Variants in NFYC observed in about 807,000 individuals in gnomAD.
NFYC encodes CAAT box DNA-binding protein subunit C.
A neutral mutation model predicts 53.1 loss-of-function variants in NFYC; 25 were observed. The ratio of observed to expected loss-of-function variants is 0.47; its 90% CI spans 0.34 to 0.66. The LOEUF is 0.66. Ranked by LOEUF, NFYC falls within the 30% of genes least tolerant of loss-of-function variation. NFYC has a pLI of 0.01. For synonymous variants in NFYC, 145 were observed against 152.6 expected, an observed-to-expected ratio of 0.95 and a Z score of 0.37; for missense variants, 260 against 422.7, an observed-to-expected ratio of 0.62 and a Z score of 3.38.
chr1:40,734,333 A>T (rs76037402), intron 1 of NFYC, among the ~76,000 whole-genome samples: 1 of 142,960 alleles, frequency 7.0e-6, no homozygotes, highest in African/African-American at 2.6e-5. Flanking sequence ...GTGATTAACT[A>T]CGGTTGCTTT....
Position 40,758,310 on chromosome 1 carries a change from A to C in NFYC, c.561+16A>C, listed in dbSNP as rs1646341397. 6.3e-7 allele frequency: 1 copy of C among 1,594,904 alleles called. No homozygotes were observed. The highest frequency in any genetic ancestry group is 1.8e-4 in the Middle Eastern group (1 of 5,628). ...GCAGGGCCAGGTCTGTGAGCTGCTG[A>C]GGATGCCCATCCAGCAAGACAGTGC... On this transcript the variant is annotated intron_variant, in intron 6 of 9. Transcript: ENST00000447388.
chr1:40,740,429 T>C (rs959256697), intron 2 of NFYC, among the ~76,000 whole-genome samples: 1 of 152,104 alleles, frequency 6.6e-6, no homozygotes, highest in African/African-American at 2.4e-5. Flanking sequence ...AAATAACTTA[T>C]TATGATAAAT....
At chr1:40,722,050 G>A (rs992944262) in intron 1 of NFYC, among the ~76,000 whole-genome samples, 1 of 152,042 alleles carries the variant, frequency 6.6e-6, no homozygotes, top group Non-Finnish European at 1.5e-5. Flanking sequence ...GGGCACCTGT[G>A]GTCCCAGCTA....
rs890712580 is a variant in NFYC at position 40,709,122 on chromosome 1, G to A, written c.-9+17255G>A. 2.6e-5 allele frequency among the ~76,000 whole-genome samples: 4 copies of A among 152,258 alleles called. No homozygotes were observed. In the East Asian group the frequency reaches 5.8e-4, roughly 22 times the overall value. The stretch of plus-strand genomic sequence containing the variant: ...ATGTGCATTTGCCAGACATTTCCAC[G>A]CCTTAGAGTTCCCCATAGTTTGAAG... On this transcript the variant is annotated intron_variant, in intron 1 of 9. Coordinates refer to ENST00000447388, the MANE Select transcript of NFYC (RefSeq NM_014223.5).
intron 1 of NFYC, among the ~76,000 whole-genome samples, chr1:40,717,318 G>A (rs1024597118): frequency 2.6e-5 from 4 of 152,154 alleles, no homozygotes; most frequent in Non-Finnish European, 4.4e-5. Flanking sequence ...TGTTTTCTGA[G>A]TGTGCATTTC....
intron 1 of NFYC, among the ~76,000 whole-genome samples, chr1:40,714,371 G>A (rs188543643): frequency 1.2e-3 from 184 of 152,304 alleles, no homozygotes; most frequent in Middle Eastern, 6.8e-3. Flanking sequence ...ATGTGCTTGT[G>A]TATGTTTGAG....
intron 1 of NFYC, among the ~76,000 whole-genome samples, chr1:40,731,144 G>T (rs1010314475): frequency 6.6e-6 from 1 of 152,074 alleles, no homozygotes; most frequent in Non-Finnish European, 1.5e-5. Flanking sequence ...TCAATCATCT[G>T]CAACCCTGAA....
At chr1:40,760,612 G>A (rs1049116391) in intron 6 of NFYC, among the ~76,000 whole-genome samples, 16 of 151,962 alleles carry the variant, frequency 1.1e-4, no homozygotes, top group African/African-American at 3.4e-4. Context: ...CCAGCTACCC[G>A]GGGAGGCTGA....
chr1:40,759,602 GTA>G (rs1439559292), intron 6 of NFYC, among the ~76,000 whole-genome samples: 1 of 151,664 alleles, frequency 6.6e-6, no homozygotes, highest in Non-Finnish European at 1.5e-5. Flanking sequence ...ATATATGTGT[GTA>G]TATATATGTA....
intron 5 of NFYC, 167 bp from the exon 6 acceptor site, chr1:40,757,954 G>A: frequency 1.5e-6 from 1 of 676,396 alleles, no homozygotes. Flanking sequence ...GTTTGATTTA[G>A]CATAACTGGT....
At chr1:40,734,086 GC>G (rs1456653400) in intron 1 of NFYC, among the ~76,000 whole-genome samples, 1 of 152,090 alleles carries the variant, frequency 6.6e-6, no homozygotes, top group African/African-American at 2.4e-5. Context: ...TCACTGTGTT[GC>G]CAAGGCTGGT....
At position 40,771,146 on chromosome 1, in the gene NFYC, T is replaced by C. The variant is rs1365616492; in HGVS notation, c.*318T>C. 1 of 398,850 alleles carries C rather than the reference T, an allele frequency of 2.5e-6. No homozygotes were observed. The highest frequency in any genetic ancestry group is 4.5e-6 in the Non-Finnish European group (1 of 221,114). 24.7% of individuals were successfully genotyped at this position (398,850 alleles called of 1,614,324 possible). A position where few individuals can be genotyped will look rare whatever the true frequency, so the allele number is the denominator to read the frequency against. ...TTCTTGAAGAGTGTGGTTGAAGAAA[T>C]ATTTCTCCTTTTGTTTTTCTTTTTT... is the stretch of plus-strand genomic sequence containing the variant. On this transcript the variant is annotated 3_prime_UTR_variant, in exon 10 of 10. Transcript: ENST00000447388.
intron 1 of NFYC, chr1:40,709,439 G>T (rs774717902): frequency 2.6e-5 from 4 of 152,252 alleles, no homozygotes; most frequent in African/African-American, 9.7e-5. Context: ...TAGTTTGTTG[G>T]GGGGTGGGAG....
intron 9 of NFYC, among the ~76,000 whole-genome samples, chr1:40,769,798 A>G (rs751691971): frequency 2.0e-5 from 3 of 152,256 alleles, no homozygotes; most frequent in Non-Finnish European, 4.4e-5. Flanking sequence ...TTTTAATAGC[A>G]TGGACTGTTG....
At chr1:40,706,927 T>G (rs1643720031) in intron 1 of NFYC, among the ~76,000 whole-genome samples, 1 of 151,768 alleles carries the variant, frequency 6.6e-6, no homozygotes, top group Non-Finnish European at 1.5e-5. Flanking sequence ...CCCAGCACTT[T>G]GGGAGACCGA....
At chr1:40,721,307 A>G (rs950464305) in intron 1 of NFYC, among the ~76,000 whole-genome samples, 6 of 152,234 alleles carry the variant, frequency 3.9e-5, no homozygotes, top group African/African-American at 1.2e-4. Context: ...AGAAATTCCA[A>G]CTTTCCAGAA....
At chr1:40,730,988 A>G (rs916627021) in intron 1 of NFYC, among the ~76,000 whole-genome samples, 17 of 151,874 alleles carry the variant, frequency 1.1e-4, no homozygotes, top group Admixed American at 2.0e-4. Flanking sequence ...TTTTTCCAGT[A>G]CTCTGCTTTC....
At chr1:40,749,763 A>T in intron 4 of NFYC, 77 bp downstream of exon 4, 3 of 1,183,332 alleles carry the variant, frequency 2.5e-6, no homozygotes, top group Non-Finnish European at 3.8e-6. Context: ...GTGTTGGAGA[A>T]AGATTGTTCT....
At chr1:40,725,297 C>T (rs1644470775) in intron 1 of NFYC, among the ~76,000 whole-genome samples, 1 of 152,236 alleles carries the variant, frequency 6.6e-6, no homozygotes, top group Admixed American at 6.5e-5. Flanking sequence ...AGGACTTCCC[C>T]ACCAAACCAC....
Sources: allele counts gnomAD v4.1 joint callset (sites outside exome capture counted in the v4.1 genomes callset), GRCh38; gene constraint gnomAD v4.1.1; transcripts MANE v1.5; gene names NCBI Gene and HGNC (gene_info 2026-07-23, HGNC 2026-07-21).